The following GRID1 variants were observed in gnomAD, a reference collection of about 807,000 sequenced individuals.
GRID1 encodes glutamate ionotropic receptor delta type subunit 1, also known as glutamate receptor ionotropic, delta-1.
GRID1 carries 28 observed loss-of-function variants against 98.0 expected under a neutral mutation model. The ratio of observed to expected loss-of-function variants is 0.29; its 90% CI spans 0.21 to 0.39. The LOEUF (loss-of-function observed/expected upper bound fraction) is 0.39, where lower values mean the gene tolerates loss of function less well. Among genes scored for constraint, GRID1 ranks in the 10% least tolerant of loss-of-function variants. GRID1 has a pLI of 1.00. For synonymous variants in GRID1, 553 were observed against 538.5 expected, an observed-to-expected ratio of 1.03 and a Z score of -0.37; for missense variants, 1,111 against 1,340.5, an observed-to-expected ratio of 0.83 and a Z score of 2.67.
chr10:85,690,583 G>T (rs893682636), intron 12 of GRID1, among the ~76,000 whole-genome samples: 3 of 152,106 alleles, frequency 2.0e-5, no homozygotes, highest in African/African-American at 7.2e-5. Context: ...AGTCTAAAAA[G>T]TCTATCAAAA....
intron 2 of GRID1, among the ~76,000 whole-genome samples, chr10:86,290,241 A>T (rs1847493729): frequency 6.6e-6 from 1 of 152,262 alleles, no homozygotes; most frequent in Non-Finnish European, 1.5e-5. Flanking sequence ...ATGGAGCCTA[A>T]TAAAACTAAG....
At chr10:85,771,659 C>T (rs1436982970) in intron 8 of GRID1, among the ~76,000 whole-genome samples, 1 of 152,122 alleles carries the variant, frequency 6.6e-6, no homozygotes, top group Non-Finnish European at 1.5e-5. Flanking sequence ...CAAAAAAAGG[C>T]AGGGGTTGCA....
At chr10:85,962,504 C>A (rs745457795) in intron 4 of GRID1, among the ~76,000 whole-genome samples, 45 of 152,250 alleles carry the variant, frequency 3.0e-4, no homozygotes, top group Admixed American at 2.6e-4. Flanking sequence ...TTGCCTGGAG[C>A]CATGTCAGCT....
At chr10:86,018,632 C>T (rs191079419) in intron 4 of GRID1, among the ~76,000 whole-genome samples, 6 of 152,292 alleles carry the variant, frequency 3.9e-5, no homozygotes, top group African/African-American at 1.4e-4. Flanking sequence ...TCCAAACCTC[C>T]TGTGAGTGCC....
intron 7 of GRID1, among the ~76,000 whole-genome samples, chr10:85,855,441 T>C (rs1269061707): frequency 6.6e-6 from 1 of 152,226 alleles, no homozygotes; most frequent in Non-Finnish European, 1.5e-5. Flanking sequence ...GGCTCTGCCC[T>C]GGGCTGTAGT....
intron 8 of GRID1, among the ~76,000 whole-genome samples, chr10:85,821,721 T>C (rs1056856604): frequency 2.0e-5 from 3 of 151,728 alleles, no homozygotes; most frequent in Admixed American, 1.3e-4. Context: ...ATTATTAAAA[T>C]GTGCCAAGTC....
chr10:86,046,638 C>A (rs1000851434), intron 4 of GRID1, among the ~76,000 whole-genome samples: 1 of 152,066 alleles, frequency 6.6e-6, no homozygotes, highest in Non-Finnish European at 1.5e-5. Context: ...AACAGTTAAC[C>A]CTAGATTCAC....
intron 3 of GRID1, among the ~76,000 whole-genome samples, chr10:86,185,501 C>T (rs1222826072): frequency 6.6e-6 from 1 of 152,084 alleles, no homozygotes; most frequent in East Asian, 1.9e-4. Flanking sequence ...ACCTCAGCTA[C>T]AGCACTGAAT....
intron 8 of GRID1, among the ~76,000 whole-genome samples, chr10:85,769,855 A>G (rs182672167): frequency 0.017 from 2,587 of 152,328 alleles, 80 homozygotes; most frequent in Admixed American, 0.073. Context: ...CCACAGCTCA[A>G]GGAGGCCTGC....
intron 13 of GRID1, among the ~76,000 whole-genome samples, chr10:85,634,249 CCTCT>C (rs775506130): frequency 0.15 from 13,769 of 92,260 alleles, 1,009 homozygotes; most frequent in Non-Finnish European, 0.18. Flanking sequence ...TGATGGGGCA[CCTCT>C]CTCTCTCTCT....
At chr10:86,059,302 G>A (rs1454610830) in intron 4 of GRID1, among the ~76,000 whole-genome samples, 1 of 152,220 alleles carries the variant, frequency 6.6e-6, no homozygotes, top group Non-Finnish European at 1.5e-5. Context: ...TAACCTGCAG[G>A]TCACTCCTTA....
chr10:85,759,413 G>A (rs925062303), intron 8 of GRID1, among the ~76,000 whole-genome samples: 1 of 152,152 alleles, frequency 6.6e-6, no homozygotes, highest in Non-Finnish European at 1.5e-5. Flanking sequence ...CCCCACTCAA[G>A]CTGATCCCCA....
At chr10:85,672,033 A>G (rs750196229) in intron 12 of GRID1, among the ~76,000 whole-genome samples, 1 of 152,254 alleles carries the variant, frequency 6.6e-6, no homozygotes, top group Admixed American at 6.5e-5. Flanking sequence ...AGCTGTCTCC[A>G]TAACATAACA....
intron 2 of GRID1, among the ~76,000 whole-genome samples, chr10:86,265,323 G>C (rs887833912): frequency 6.6e-6 from 1 of 152,222 alleles, no homozygotes; most frequent in Non-Finnish European, 1.5e-5. Flanking sequence ...AAAGTGATCC[G>C]AGTTCTGAAT....
At position 85,608,503 on chromosome 10, in the gene GRID1, G is replaced by A. The variant is rs555525522; in HGVS notation, c.2601+4904C>T. Among the ~76,000 whole-genome samples, 4 of 152,312 alleles carry A rather than the reference G, an allele frequency of 2.6e-5. No individual in the cohort carries two copies. The East Asian group carries it at 7.7e-4, about 29-fold the overall frequency. On this transcript the variant is annotated intron_variant, in intron 15 of 15. Coordinates refer to ENST00000327946, the MANE Select transcript of GRID1 (RefSeq NM_017551.3). Reference sequence around the variant, plus strand: ...ACTAGTTCATTCATTCAATAAACGTGTTTGAGCTCCTACTACCAGATGAGC... The same window carrying A: ...ACTAGTTCATTCATTCAATAAACGTATTTGAGCTCCTACTACCAGATGAGC...
chr10:86,347,343 C>CT (rs1383894345), intron 2 of GRID1, among the ~76,000 whole-genome samples: 24 of 152,188 alleles, frequency 1.6e-4, no homozygotes, highest in Non-Finnish European at 1.6e-4. Context: ...CTCCAAGTGA[C>CT]CCCACCCCCA....
intron 2 of GRID1, among the ~76,000 whole-genome samples, chr10:86,246,567 T>G (rs1902681): frequency 0.9 from 137,102 of 152,218 alleles, 62,404 homozygotes; most frequent in African/African-American, 0.94. Context: ...CCATCTCCCC[T>G]TGCTGGCATT....
chr10:85,823,569 C>T (rs905272623), intron 8 of GRID1, among the ~76,000 whole-genome samples: 1 of 151,486 alleles, frequency 6.6e-6, no homozygotes, highest in Non-Finnish European at 1.5e-5. Context: ...TCACCAAAAG[C>T]AATATAAGAT....
chr10:86,118,611 C>T (rs1844620870), intron 4 of GRID1, among the ~76,000 whole-genome samples: 1 of 151,946 alleles, frequency 6.6e-6, no homozygotes, highest in Admixed American at 6.5e-5. Flanking sequence ...TAAGTGTGGG[C>T]TGCAAATAGT....
Sources: allele counts gnomAD v4.1 joint callset (sites outside exome capture counted in the v4.1 genomes callset), GRCh38; gene constraint gnomAD v4.1.1; transcripts MANE v1.5; gene names NCBI Gene and HGNC (gene_info 2026-07-23, HGNC 2026-07-21).